The following EMP2 variants were observed in gnomAD, a reference collection of about 807,000 sequenced individuals.
EMP2 encodes epithelial membrane protein 2.
A neutral mutation model predicts 13.7 loss-of-function variants in EMP2; 19 were observed. The ratio of observed to expected loss-of-function variants is 1.38; its 90% CI spans 0.97 to 2.03. The LOEUF (loss-of-function observed/expected upper bound fraction) is 2.03, where lower values mean the gene tolerates loss of function less well. EMP2 is among the 30% of genes most tolerant of loss of function. The pLI is 0.00. For missense variants in EMP2, 253 were observed against 220.7 expected (o/e 1.15, Z -0.93); for synonymous variants, 97 against 84.7 (o/e 1.15, Z -0.80).
chr16:10,551,334 A>G (rs533708965), intron 1 of EMP2, among the ~76,000 whole-genome samples: 133 of 152,336 alleles, frequency 8.7e-4, no homozygotes, highest in African/African-American at 3.1e-3. Flanking sequence ...GTATTTTGAG[A>G]TAATGTAAAG....
intron 4 of EMP2, among the ~76,000 whole-genome samples, chr16:10,537,073 C>T (rs1032527541): frequency 1.3e-5 from 2 of 152,122 alleles, no homozygotes; most frequent in East Asian, 3.9e-4. Context: ...GTGGTTAGGG[C>T]CAAGCAGCCT....
rs2050593029 is a variant in EMP2 at position 10,530,761 on chromosome 16, G to A, written c.*2144C>T. On this transcript the variant is annotated 3_prime_UTR_variant, in exon 5 of 5. Transcript: ENST00000359543. The stretch of plus-strand genomic sequence containing the variant: ...AAAGCTTGAAAACTCCAGCTCTATG[G>A]GACCCTCTCACCGCATTTACTGTCG... 1 of 152,120 alleles carries A rather than the reference G, an allele frequency of 6.6e-6. No individual in the cohort carries two copies. 9.4% of individuals were successfully genotyped at this position (152,120 alleles called of 1,614,324 possible). A position where few individuals can be genotyped will look rare whatever the true frequency, so the allele number is the denominator to read the frequency against.
intron 2 of EMP2, chr16:10,547,139 C>T (rs539116593): frequency 3.1e-5 from 5 of 160,072 alleles, no homozygotes; most frequent in South Asian, 1.9e-4. Flanking sequence ...TGATATGGTT[C>T]GGCTGTGTCC....
At position 10,543,623 on chromosome 16, in the gene EMP2, C is replaced by T. The variant is rs2050717909; in HGVS notation, c.116G>A (p.Trp39Ter). 1.9e-6 allele frequency: 3 copies of T among 1,614,220 alleles called. No homozygotes were observed. Among genetic ancestry groups the T allele is most frequent in the Non-Finnish European group, 2.5e-6 (3 of 1,180,030 alleles). The change falls in exon 3 of 5, where the codon TGG (tryptophan) becomes TAG (stop). Residue 39 changes from tryptophan to a stop codon, truncating the protein, a stop_gained. Coordinates refer to ENST00000359543, the MANE Select transcript of EMP2 (RefSeq NM_001424.6). LOFTEE classifies it high-confidence loss of function. ...WVGDEFFADVWRICTNNTNCT... is the reference protein window; with the variant it reads ...WVGDEFFADV Reference sequence around the variant, plus strand: ...ATTCGTGTTGTTGGTACATATTCTCCAGACATCTGCAAAAAACTCATCTCC... The same window carrying T: ...ATTCGTGTTGTTGGTACATATTCTCTAGACATCTGCAAAAAACTCATCTCC...
At chr16:10,552,814 G>A (rs953120177) in intron 1 of EMP2, among the ~76,000 whole-genome samples, 4 of 152,126 alleles carry the variant, frequency 2.6e-5, no homozygotes, top group Non-Finnish European at 5.9e-5. Context: ...CTGATGTCTG[G>A]GAAGTACTGC....
At chr16:10,542,421 A>T (rs1235047079) in intron 3 of EMP2, among the ~76,000 whole-genome samples, 1 of 135,674 alleles carries the variant, frequency 7.4e-6, no homozygotes, top group African/African-American at 3.0e-5. Flanking sequence ...CAAACAAACA[A>T]AAACCAAAAA....
rs1228854788 is a variant in EMP2, at chr16:10,537,967, C to CT, written c.276dup (p.Glu93ArgfsTer29). ...ATGATGGAGGTTAGGACAAACCTCTCTCCCTGCTTCAGGCGGAAGAGCTGG... is the reference window on the plus strand; with the variant it reads ...ATGATGGAGGTTAGGACAAACCTCTCTTCCCTGCTTCAGGCGGAAGAGCTGG... On this transcript the variant is annotated frameshift_variant, in exon 4 of 5. Coordinates refer to ENST00000359543, the MANE Select transcript of EMP2 (RefSeq NM_001424.6). LOFTEE classifies it low-confidence loss of function (END_TRUNC). 1 of 1,614,040 alleles carries CT rather than the reference C, an allele frequency of 6.2e-7. No homozygotes were observed. The highest frequency in any genetic ancestry group is 1.3e-5 in the African/African-American group (1 of 74,900).
At chr16:10,549,495 G>C (rs1374791135) in intron 1 of EMP2, among the ~76,000 whole-genome samples, 1 of 152,168 alleles carries the variant, frequency 6.6e-6, no homozygotes, top group Admixed American at 6.5e-5. Context: ...CAAATGTCAA[G>C]GGAAGATGTC....
chr16:10,575,216 C>G (rs1308096408), intron 1 of EMP2, among the ~76,000 whole-genome samples: 1 of 133,572 alleles, frequency 7.5e-6, no homozygotes. Context: ...ATCTGGTGGC[C>G]TTGGTCCTGG....
intron 4 of EMP2, among the ~76,000 whole-genome samples, chr16:10,535,387 A>G (rs115412430): frequency 0.02 from 3,096 of 152,190 alleles, 91 homozygotes; most frequent in African/African-American, 0.067. Flanking sequence ...AGGGTAATCA[A>G]TTTTGACTAA....
At chr16:10,571,866 T>C (rs1340030389) in intron 1 of EMP2, among the ~76,000 whole-genome samples, 1 of 152,138 alleles carries the variant, frequency 6.6e-6, no homozygotes, top group African/African-American at 2.4e-5. Flanking sequence ...GCGGTAGTGG[T>C]GTATACTGAG....
intron 1 of EMP2, among the ~76,000 whole-genome samples, chr16:10,574,799 C>G (rs2050971433): frequency 1.3e-5 from 2 of 152,138 alleles, no homozygotes; most frequent in South Asian, 4.1e-4. Context: ...ATCCACCCAC[C>G]TCAGCCTCCC....
rs774462940 is a variant in EMP2 at position 10,543,519 on chromosome 16, G to C, written c.169+51C>G. The C allele has an allele frequency of 1.1e-5, 18 of 1,595,028 alleles. No individual in the cohort carries two copies. In the East Asian group the frequency reaches 3.8e-4, roughly 34 times the overall value. On this transcript the variant is annotated intron_variant, in intron 3 of 4. Transcript: ENST00000359543. The stretch of plus-strand genomic sequence containing the variant: ...GGAACCCGAAGCCTCACTCCTGACC[G>C]TTCCTTCCTCCCTCAGTGCTTCTCA...
intron 3 of EMP2, among the ~76,000 whole-genome samples, chr16:10,540,343 T>C (rs1274279622): frequency 2.0e-5 from 3 of 151,994 alleles, no homozygotes; most frequent in African/African-American, 7.3e-5. Context: ...CTGTCTCTAC[T>C]AAAAATACAA....
chr16:10,534,379 T>G (rs1436855689), intron 4 of EMP2, among the ~76,000 whole-genome samples: 3 of 152,214 alleles, frequency 2.0e-5, no homozygotes, highest in African/African-American at 7.2e-5. Flanking sequence ...TCCAGAGTAC[T>G]TGTTATGTAA....
At chr16:10,558,202 T>G (rs929456674) in intron 1 of EMP2, among the ~76,000 whole-genome samples, 1 of 152,028 alleles carries the variant, frequency 6.6e-6, no homozygotes. Context: ...TCTAATTTTA[T>G]TTTTTGAAGA....
chr16:10,540,987 C>T (rs2050692424), intron 3 of EMP2, among the ~76,000 whole-genome samples: 1 of 151,908 alleles, frequency 6.6e-6, no homozygotes. Flanking sequence ...ACTGGGGAGG[C>T]TGAGGTGGGA....
chr16:10,567,239 C>T (rs1198766688), intron 1 of EMP2, among the ~76,000 whole-genome samples: 1 of 152,174 alleles, frequency 6.6e-6, no homozygotes, highest in Non-Finnish European at 1.5e-5. Context: ...CAGCACAGTG[C>T]CTGGTCCACA....
intron 1 of EMP2, among the ~76,000 whole-genome samples, chr16:10,559,819 C>T (rs1382571307): frequency 6.6e-6 from 1 of 152,158 alleles, no homozygotes; most frequent in Non-Finnish European, 1.5e-5. Context: ...GGATTACAGG[C>T]ACCTGCCACC....
Sources: allele counts gnomAD v4.1 joint callset (sites outside exome capture counted in the v4.1 genomes callset), GRCh38; gene constraint gnomAD v4.1.1; transcripts MANE v1.5; gene names NCBI Gene and HGNC (gene_info 2026-07-23, HGNC 2026-07-21).